DNAH1: variants seen among roughly 807,000 people sequenced by gnomAD.
DNAH1 encodes axonemal beta dynein heavy chain 1.
Under a neutral mutation model 484.3 loss-of-function variants are expected in DNAH1, and 327 were observed. The observed-to-expected ratio is 0.68, with a 90% CI of 0.62 to 0.74. The LOEUF (loss-of-function observed/expected upper bound fraction) is 0.74, where lower values mean the gene tolerates loss of function less well. Among genes scored for constraint, DNAH1 ranks in the 30% least tolerant of loss-of-function variants. DNAH1 has a pLI of 0.00. For missense variants in DNAH1, 5,052 were observed against 5,546.8 expected (o/e 0.91, Z 2.83); for synonymous variants, 2,192 against 2,191.9 (o/e 1.00, Z 0.00).
chr3:52,388,836 C>T lies in DNAH1; in HGVS notation c.9394C>T (p.Arg3132Cys), dbSNP rs750820564. 2.6e-5 allele frequency: 42 copies of T among 1,613,632 alleles called. 1 individual carries two copies. Among genetic ancestry groups the T allele is most frequent in the Non-Finnish European group, 2.5e-5 (29 of 1,179,842 alleles). Residue 3132 changes from arginine (R) to cysteine (C), a missense_variant, in exon 59 of 78, where the codon CGC (arginine) becomes TGC (cysteine). Arg to Cys is a radical substitution (Grantham distance 180, BLOSUM62 -3). Coordinates refer to ENST00000420323, the MANE Select transcript of DNAH1 (RefSeq NM_015512.5). ...CAACGGGCTGTCGGATGAGAAGGTGCGCTGGCAGGAGACGGTGGAGAACCT... is the reference window on the plus strand; with the variant it reads ...CAACGGGCTGTCGGATGAGAAGGTGTGCTGGCAGGAGACGGTGGAGAACCT... ...LINGLSDEKV[R>C]WQETVENLQY...
rs1485287449 is a variant in DNAH1 at position 52,353,676 on chromosome 3, G to A, written c.3480+43G>A. On this transcript the variant is annotated intron_variant, in intron 20 of 77. Transcript: ENST00000420323. This position sits in a 1 kb window ranked among gnomAD's most constrained non-coding sequence, Gnocchi z 5.0. ...GGCCCAGCCACTCCAGCCAGGCCCT[G>A]CCGGACAGCCTGACCTCCTGCTCTG... is the stretch of plus-strand genomic sequence containing the variant. 6.4e-7 allele frequency: 1 copy of A among 1,554,422 alleles called. No individual in the cohort carries two copies.
chr3:52,362,850 C>A lies in DNAH1; in HGVS notation c.5095-145C>A. 8.8e-7 allele frequency: 1 copy of A among 1,131,098 alleles called. No homozygotes were observed. The highest frequency in any genetic ancestry group is 1.3e-6 in the Non-Finnish European group (1 of 779,274). 70.1% of individuals were successfully genotyped at this position (1,131,098 alleles called of 1,614,324 possible). A position where few individuals can be genotyped will look rare whatever the true frequency, so the allele number is the denominator to read the frequency against. ...GGATCCACTCTAATGGCAGAGCTACCAGTCTCAGGGGAGTGAAAGCCTCAG... is the reference window on the plus strand; with the variant it reads ...GGATCCACTCTAATGGCAGAGCTACAAGTCTCAGGGGAGTGAAAGCCTCAG... On this transcript the variant is annotated intron_variant, in intron 31 of 77. Transcript: ENST00000420323. This position sits in a 1 kb window ranked among gnomAD's most constrained non-coding sequence, Gnocchi z 5.1.
rs1185479053 is a variant in DNAH1, at chr3:52,398,907, C to T, written c.12147C>T (p.Leu4049=). The T allele has an allele frequency of 1.2e-6, 2 of 1,606,518 alleles. No homozygotes were observed. The highest frequency in any genetic ancestry group is 2.2e-5 in the South Asian group (2 of 90,092). Residue 4049 remains leucine, a synonymous_variant, in exon 76 of 78, where the codon CTC becomes CTT. Coordinates refer to ENST00000420323, the MANE Select transcript of DNAH1 (RefSeq NM_015512.5). ...TQTLQDLLKA[L]KGLVVMSSQL... is the part of the protein sequence containing the mutation. ...CACTGCAAGACCTACTCAAGGCACT[C>T]AAGGGGCTGGTAGTGATGTCCTCTC...
chr3:52,370,862 G>A (rs1293890292), intron 41 of DNAH1, 37 bp downstream of exon 41: 2 of 1,553,172 alleles, frequency 1.3e-6, no homozygotes, highest in Non-Finnish European at 1.7e-6. Context: ...GCACAGGGAG[G>A]GACCACTGGG....
At chr3:52,374,655 A>G (rs1578167779) in intron 44 of DNAH1, 2 of 1,462,648 alleles carry the variant, frequency 1.4e-6, no homozygotes, top group South Asian at 2.3e-5. Context: ...TGCAGCGAAG[A>G]TTCTGCCCAT....
the DNAH1 span, among the ~76,000 whole-genome samples, chr3:52,311,118 C>T: frequency 3.9e-5 from 6 of 152,240 alleles, no homozygotes; most frequent in East Asian, 1.9e-4. Context: ...GGGAGGATGA[C>T]GGAGGTGTGG....
At position 52,345,524 on chromosome 3, in the gene DNAH1, T is replaced by C. The variant is rs1300927960; in HGVS notation, c.1474T>C (p.Trp492Arg). ...GLVSVPKYHF[W>R]EQKEDFTFVS... ...GGTGAGTGTCCCCAAGTACCACTTC[T>C]GGGAGCAGAAGGAGGACTTCACTTT... The change falls in exon 10 of 78, where the codon TGG becomes CGG. Residue 492 changes from tryptophan (W) to arginine (R), a missense_variant. By Grantham distance (101) the Trp-to-Arg change is moderately radical. Coordinates refer to ENST00000420323, the MANE Select transcript of DNAH1 (RefSeq NM_015512.5). 1 of 1,575,232 alleles carries C rather than the reference T, an allele frequency of 6.3e-7. No individual in the cohort carries two copies. Among genetic ancestry groups the C allele is most frequent in the Non-Finnish European group, 8.6e-7 (1 of 1,159,606 alleles).
intron 12 of DNAH1, 143 bp downstream of exon 12, chr3:52,348,117 AT>A: frequency 1.2e-6 from 1 of 826,782 alleles, no homozygotes; most frequent in South Asian, 1.8e-5. Flanking sequence ...TAAATCTCAA[AT>A]ATCCCATTTA....
chr3:52,330,358 C>G (rs1476370162), intron 6 of DNAH1, among the ~76,000 whole-genome samples: 2 of 152,150 alleles, frequency 1.3e-5, no homozygotes, highest in African/African-American at 2.4e-5. Context: ...CTGTGAGGAA[C>G]AGAATGGGGT....
intron 1 of DNAH1, among the ~76,000 whole-genome samples, chr3:52,319,665 C>T (rs932807024): frequency 1.3e-5 from 2 of 152,220 alleles, no homozygotes; most frequent in African/African-American, 4.8e-5. Context: ...CACTCATTCC[C>T]AGGCAGAGAC....
rs754194652 is a variant in DNAH1 at position 52,388,937 on chromosome 3, G to A, written c.9495G>A (p.Thr3165=). The change falls in exon 59 of 78, where the codon ACG becomes ACA. Residue 3165 remains threonine (T), a splice_region_variant and synonymous_variant. Transcript: ENST00000420323. The part of the protein sequence containing the change: ...AGFVAYLGPF[T]GQYRTVLYDS... ...TTGTGGCCTACCTGGGCCCCTTCAC[G>A]GTAAGAAGTCCCCACCTCTGTCTCT... 11 of 1,593,998 alleles carry A rather than the reference G, an allele frequency of 6.9e-6. No individual in the cohort carries two copies. Among genetic ancestry groups the A allele is most frequent in the East Asian group, 4.5e-5 (2 of 44,574 alleles).
At chr3:52,380,737 C>A (rs1055614331) in intron 48 of DNAH1, among the ~76,000 whole-genome samples, 1 of 152,194 alleles carries the variant, frequency 6.6e-6, no homozygotes, top group African/African-American at 2.4e-5. Flanking sequence ...GTGAGCTCCC[C>A]GTCAGGGAGG....
At position 52,395,383 on chromosome 3, in the gene DNAH1, G is replaced by C; in HGVS notation, c.11044G>C (p.Asp3682His). 1.2e-6 allele frequency: 2 copies of C among 1,613,880 alleles called. No individual in the cohort carries two copies. The highest frequency in any genetic ancestry group is 1.7e-6 in the Non-Finnish European group (2 of 1,179,882). The change falls in exon 69 of 78, where the codon GAC becomes CAC. Residue 3682 changes from aspartate to histidine, a missense_variant. Around this residue, in one of 4 missense-constraint regions of DNAH1, gnomAD observed 853 missense variants for 899.0 expected, o/e 0.95. Transcript: ENST00000420323. The surrounding 1 kb of genome is among the most constrained non-coding windows in gnomAD (Gnocchi z 4.4). Reference protein sequence around the residue: ...PLIFVLSPGTDPAADLYKFAE... With the variant: ...PLIFVLSPGTHPAADLYKFAE... ...CATCTTTGTGCTGTCACCCGGCACA[G>C]ACCCTGCTGCCGACCTCTACAAGTT... is the stretch of plus-strand genomic sequence containing the variant.
chr3:52,381,609 C>T lies in DNAH1; in HGVS notation c.7609-31C>T. ...GGGAGACCCTACAGTAAGAGAGACC[C>T]CGCCTTCCCCATCCTCGCCTTGGTG... On this transcript the variant is annotated intron_variant, in intron 48 of 77. Coordinates refer to ENST00000420323, the MANE Select transcript of DNAH1 (RefSeq NM_015512.5). This position sits in a 1 kb window ranked among gnomAD's most constrained non-coding sequence, Gnocchi z 4.1. The T allele has an allele frequency of 1.9e-6, 3 of 1,563,996 alleles. No individual in the cohort carries two copies. The highest frequency in any genetic ancestry group is 2.6e-6 in the Non-Finnish European group (3 of 1,151,824).
chr3:52,367,579 T>C (rs1304589264), intron 36 of DNAH1, among the ~76,000 whole-genome samples: 2 of 143,694 alleles, frequency 1.4e-5, no homozygotes, highest in South Asian at 2.2e-4. Context: ...TCAATGATCC[T>C]TTTTTTTTTT....
Position 52,329,741 on chromosome 3 carries a change from C to G in DNAH1, c.872-1407C>G, listed in dbSNP as rs1307188012. On this transcript the variant is annotated intron_variant, in intron 6 of 77. Transcript: ENST00000420323. The stretch of plus-strand genomic sequence containing the variant: ...TCGGGAGGCTGAGGCAGGAGAATTG[C>G]TTGAACCTGGAAAGCGGAGGTTGGA... 2.0e-5 allele frequency among the ~76,000 whole-genome samples: 3 copies of G among 151,656 alleles called. No individual in the cohort carries two copies. In the East Asian group the frequency reaches 5.8e-4, roughly 29 times the overall value.
intron 8 of DNAH1, among the ~76,000 whole-genome samples, chr3:52,343,367 C>A (rs934105664): frequency 3.3e-5 from 5 of 152,054 alleles, no homozygotes; most frequent in Non-Finnish European, 5.9e-5. Flanking sequence ...GAGAGCAGGG[C>A]ATGCCTTCTA....
At chr3:52,390,675 A>C (rs1403201716) in intron 60 of DNAH1, among the ~76,000 whole-genome samples, 1 of 152,178 alleles carries the variant, frequency 6.6e-6, no homozygotes, top group Non-Finnish European at 1.5e-5. Flanking sequence ...TTCTCTGTCC[A>C]TCTGGGGCCA....
rs931673725 is a variant in DNAH1, at chr3:52,386,354, C to T, written c.8811+9C>T. The T allele has an allele frequency of 2.6e-6, 4 of 1,554,588 alleles. No individual in the cohort carries two copies. The highest frequency in any genetic ancestry group is 2.7e-5 in the African/African-American group (2 of 73,286). On this transcript the variant is annotated intron_variant, in intron 55 of 77. Transcript: ENST00000420323. ...AGAACGATGTGACCGAGGTGGGCAG[C>T]AGGGCATCTCCTGGCATTCCCTCTC...
Sources: gnomAD v4.1 joint callset for allele counts (sites outside exome capture counted in the v4.1 genomes callset) on GRCh38, gnomAD v4.1.1 for gene constraint, gnomAD v4.1.1 regional missense constraint, Gnocchi (gnomAD v3.1) non-coding constraint, MANE v1.5 for transcripts, NCBI Gene and HGNC (gene_info 2026-07-23, HGNC 2026-07-21) for gene names.